The following BRINP1 variants were observed in gnomAD, a reference collection of about 807,000 sequenced individuals.
BRINP1 encodes BMP/retinoic acid inducible neural specific 1, also known as BMP/retinoic acid-inducible neural-specific protein 1.
BRINP1 carries 17 observed loss-of-function variants against 72.9 expected under a neutral mutation model. The observed-to-expected ratio is 0.23, with a 90% CI of 0.16 to 0.35. BRINP1 has a LOEUF of 0.35. Among genes scored for constraint, BRINP1 ranks in the 10% least tolerant of loss-of-function variants. The pLI, the probability that BRINP1 is intolerant of heterozygous loss-of-function variation, is 1.00. For missense variants in BRINP1, 850 were observed against 1,001.6 expected, an observed-to-expected ratio of 0.85 and a Z score of 2.04; for synonymous variants, 418 against 378.5, an observed-to-expected ratio of 1.10 and a Z score of -1.21.
chr9:119,230,625 T>C (rs1830139855), intron 5 of BRINP1, among the ~76,000 whole-genome samples: 1 of 151,594 alleles, frequency 6.6e-6, no homozygotes, highest in Non-Finnish European at 1.5e-5. Flanking sequence ...GCATGAGTGA[T>C]AGGAAATCTT....
chr9:119,347,529 A>G (rs1459025681), intron 1 of BRINP1, among the ~76,000 whole-genome samples: 1 of 152,140 alleles, frequency 6.6e-6, no homozygotes, highest in Non-Finnish European at 1.5e-5. Context: ...TATTATTATT[A>G]TTGAAATCAA....
At chr9:119,268,442 G>A (rs1400017951) in intron 2 of BRINP1, among the ~76,000 whole-genome samples, 7 of 152,092 alleles carry the variant, frequency 4.6e-5, no homozygotes, top group Non-Finnish European at 1.0e-4. Flanking sequence ...CAAAGAGGCA[G>A]GGATGGGTTG....
In BRINP1 at chr9:119,199,543, G is replaced by A. The variant is rs561912160; in HGVS notation, c.1145+9176C>T. Among the ~76,000 whole-genome samples the A allele has an allele frequency of 2.5e-4, 38 of 152,224 alleles. No individual in the cohort carries two copies. In the South Asian group the frequency reaches 6.4e-3, roughly 26 times the overall value. ...GCTAAGGCTCGGACTGCTGGGTCAAGGCCATGTGAATTTGTGAAGTAAAAA... is the reference window on the plus strand; with the variant it reads ...GCTAAGGCTCGGACTGCTGGGTCAAAGCCATGTGAATTTGTGAAGTAAAAA... On this transcript the variant is annotated intron_variant, in intron 7 of 7. Transcript: ENST00000265922.
intron 7 of BRINP1, among the ~76,000 whole-genome samples, chr9:119,185,639 A>C (rs1040555469): frequency 3.3e-5 from 5 of 152,174 alleles, no homozygotes; most frequent in African/African-American, 1.2e-4. Context: ...AGGCACAGAA[A>C]AGCAGGATGA....
intron 2 of BRINP1, among the ~76,000 whole-genome samples, chr9:119,283,446 C>T (rs1263607117): frequency 2.0e-5 from 3 of 152,204 alleles, no homozygotes. Context: ...AAATACTTGC[C>T]ACTTTCACGG....
chr9:119,167,393 C>T lies in BRINP1; in HGVS notation c.1977G>A (p.Gly659=), dbSNP rs1829328879. 6 of 1,613,944 alleles carry T rather than the reference C, an allele frequency of 3.7e-6. No homozygotes were observed. The highest frequency in any genetic ancestry group is 1.3e-5 in the African/African-American group (1 of 74,904). ...GGTCGGCGTTGAACCTCAGGCTATA[C>T]CCAAACACCTGCACGTCTGAGATCT... ...YIKISDVQVF[G]YSLRFNADLL... The change falls in exon 8 of 8, where the codon GGG becomes GGA. Residue 659 remains glycine (G), a synonymous_variant. Transcript: ENST00000265922. This position sits in a 1 kb window ranked among gnomAD's most constrained non-coding sequence, Gnocchi z 4.3.
chr9:119,185,097 G>C (rs144213410), intron 7 of BRINP1, among the ~76,000 whole-genome samples: 1 of 151,986 alleles, frequency 6.6e-6, no homozygotes, highest in Admixed American at 6.6e-5. Context: ...GGGTACTTCC[G>C]GTGGTAGTTC....
rs188490761 is a variant in BRINP1 at position 119,273,984 on chromosome 9, T to C, written c.219-24834A>G. ...CTGTATTTTCAGAACCTGGCATAAGTTGAAGCTGATTATAAAAATACAAAC... is the reference window on the plus strand; with the variant it reads ...CTGTATTTTCAGAACCTGGCATAAGCTGAAGCTGATTATAAAAATACAAAC... On this transcript the variant is annotated intron_variant, in intron 2 of 7. Transcript: ENST00000265922. Among the ~76,000 whole-genome samples, 136 of 152,282 alleles carry C rather than the reference T, an allele frequency of 8.9e-4. 1 individual carries two copies. Among genetic ancestry groups the C allele is most frequent in the East Asian group, 3.9e-4 (2 of 5,176 alleles).
chr9:119,303,297 C>CAG (rs1830960366), intron 2 of BRINP1, among the ~76,000 whole-genome samples: 1 of 147,744 alleles, frequency 6.8e-6, no homozygotes, highest in Admixed American at 6.8e-5. Flanking sequence ...CACAGACACA[C>CAG]ACACACACAC....
chr9:119,305,332 A>C (rs763082380), intron 2 of BRINP1, among the ~76,000 whole-genome samples: 80 of 152,196 alleles, frequency 5.3e-4, no homozygotes, highest in Non-Finnish European at 8.8e-4. Flanking sequence ...AACAAAGAAA[A>C]AACACTGTTC....
intron 2 of BRINP1, among the ~76,000 whole-genome samples, chr9:119,275,093 T>G (rs1479573207): frequency 6.6e-6 from 1 of 152,200 alleles, no homozygotes; most frequent in African/African-American, 2.4e-5. Context: ...AACCCAATTC[T>G]GTGTGACTCT....
intron 5 of BRINP1, among the ~76,000 whole-genome samples, chr9:119,232,882 G>C (rs1326012414): frequency 6.6e-6 from 1 of 151,906 alleles, no homozygotes; most frequent in Non-Finnish European, 1.5e-5. Flanking sequence ...GGAAAGAGAA[G>C]TATGAAAATA....
chr9:119,302,368 T>C (rs1165241505), intron 2 of BRINP1, among the ~76,000 whole-genome samples: 1 of 152,176 alleles, frequency 6.6e-6, no homozygotes, highest in Non-Finnish European at 1.5e-5. Flanking sequence ...ATATTGCCTT[T>C]TGTTTAGATT....
chr9:119,323,780 A>G (rs1831212931), intron 1 of BRINP1, among the ~76,000 whole-genome samples: 1 of 152,230 alleles, frequency 6.6e-6, no homozygotes, highest in Non-Finnish European at 1.5e-5. Context: ...AAGAAGTCAG[A>G]GGTCAAGGTT....
chr9:119,275,888 C>G (rs544694446), intron 2 of BRINP1, among the ~76,000 whole-genome samples: 1 of 152,198 alleles, frequency 6.6e-6, no homozygotes, highest in Non-Finnish European at 1.5e-5. Flanking sequence ...CCCCAAATAG[C>G]AGTAAAGAGC....
intron 1 of BRINP1, among the ~76,000 whole-genome samples, chr9:119,325,540 TC>T (rs1237365178): frequency 3.3e-5 from 5 of 152,222 alleles, no homozygotes; most frequent in Non-Finnish European, 7.3e-5. Flanking sequence ...CTTACACTCT[TC>T]CCTTTGCCTT....
intron 5 of BRINP1, among the ~76,000 whole-genome samples, 154 bp from the exon 6 acceptor site, chr9:119,214,309 G>A (rs529305168): frequency 2.6e-5 from 4 of 152,304 alleles, no homozygotes; most frequent in African/African-American, 9.6e-5. Flanking sequence ...GATCCAGACA[G>A]GGTATTATTG....
intron 3 of BRINP1, among the ~76,000 whole-genome samples, chr9:119,243,015 T>C (rs1478229981): frequency 6.6e-6 from 1 of 151,570 alleles, no homozygotes; most frequent in Non-Finnish European, 1.5e-5. Flanking sequence ...CTTTATTTGG[T>C]AAACAGTTGA....
At chr9:119,233,244 A>G (rs1255122170) in intron 5 of BRINP1, among the ~76,000 whole-genome samples, 2 of 152,058 alleles carry the variant, frequency 1.3e-5, no homozygotes, top group Non-Finnish European at 2.9e-5. Context: ...GGCTGAGTTA[A>G]AACTGCAGTT....
Sources: gnomAD v4.1 joint callset for allele counts (sites outside exome capture counted in the v4.1 genomes callset) on GRCh38, gnomAD v4.1.1 for gene constraint, Gnocchi (gnomAD v3.1) non-coding constraint, MANE v1.5 for transcripts, NCBI Gene and HGNC (gene_info 2026-07-23, HGNC 2026-07-21) for gene names.